Variants in HS6ST3 observed in about 807,000 individuals in gnomAD.
HS6ST3 encodes heparan-sulfate 6-O-sulfotransferase 3.
HS6ST3 carries 12 observed loss-of-function variants against 36.7 expected under a neutral mutation model. That is an observed-to-expected ratio of 0.33 (90% CI 0.21 to 0.53). The LOEUF (loss-of-function observed/expected upper bound fraction) is 0.53, where lower values mean the gene tolerates loss of function less well. Ranked by LOEUF, HS6ST3 falls within the 20% of genes least tolerant of loss-of-function variation. The probability of loss-of-function intolerance (pLI) is 0.95; values close to 1 mark genes in which losing one functional copy is unlikely to be tolerated. For missense variants in HS6ST3, 584 were observed against 640.9 expected (o/e 0.91, Z 0.96); for synonymous variants, 240 against 257.5 (o/e 0.93, Z 0.65).
At chr13:96,688,558 G>A (rs1874852189) in intron 1 of HS6ST3, among the ~76,000 whole-genome samples, 3 of 151,866 alleles carry the variant, frequency 2.0e-5, no homozygotes, top group Admixed American at 6.6e-5. Flanking sequence ...GAGAAGAGAC[G>A]CTCACTTGAT....
intron 1 of HS6ST3, among the ~76,000 whole-genome samples, chr13:96,629,983 A>C (rs1283603043): frequency 6.6e-6 from 1 of 152,036 alleles, no homozygotes; most frequent in Non-Finnish European, 1.5e-5. Context: ...AGGTTCATTA[A>C]TTCAGGTTCA....
intron 1 of HS6ST3, among the ~76,000 whole-genome samples, chr13:96,196,218 G>A (rs1231486803): frequency 6.6e-6 from 1 of 152,058 alleles, no homozygotes; most frequent in Non-Finnish European, 1.5e-5. Flanking sequence ...AGGATTCCTG[G>A]CGTCCACCTT....
intron 1 of HS6ST3, among the ~76,000 whole-genome samples, chr13:96,533,293 C>A (rs2056142888): frequency 6.6e-6 from 1 of 152,134 alleles, no homozygotes; most frequent in Non-Finnish European, 1.5e-5. Context: ...TGTTGTCAAG[C>A]CCTCCACATT....
intron 1 of HS6ST3, among the ~76,000 whole-genome samples, chr13:96,272,004 A>G (rs1236937252): frequency 2.0e-5 from 3 of 152,016 alleles, no homozygotes; most frequent in Admixed American, 1.3e-4. Flanking sequence ...TCTTACAAAT[A>G]TGAGATACTT....
chr13:96,637,275 G>T (rs996648596), intron 1 of HS6ST3, among the ~76,000 whole-genome samples: 30 of 152,220 alleles, frequency 2.0e-4, no homozygotes, highest in Admixed American at 8.5e-4. Context: ...AGCAGGAGTG[G>T]AAAAGTGTCT....
rs1878932907 is a variant in HS6ST3, at chr13:96,836,592, GT to G, written c.*3397del. ...TTTGTGATAATTAGTTTGATTAAAA[GT>G]TTGAAGTATGAGGACTCCTTGTTAT... On this transcript the variant is annotated 3_prime_UTR_variant, in exon 2 of 2. Coordinates refer to ENST00000376705, the MANE Select transcript of HS6ST3 (RefSeq NM_153456.4). The G allele has an allele frequency of 6.6e-6, 1 of 152,126 alleles. No individual in the cohort carries two copies. Among genetic ancestry groups the G allele is most frequent in the Admixed American group, 6.5e-5 (1 of 15,272 alleles). The allele number at this position is 152,126 out of a possible 1,614,324, so 9.4% of individuals were successfully genotyped here.
At chr13:96,825,116 TG>T (rs1241628092) in intron 1 of HS6ST3, among the ~76,000 whole-genome samples, 2 of 152,132 alleles carry the variant, frequency 1.3e-5, no homozygotes, top group African/African-American at 4.8e-5. Context: ...CATAAAACTG[TG>T]GAGTGTGGAG....
At chr13:96,130,026 G>A (rs1305519161) in intron 1 of HS6ST3, among the ~76,000 whole-genome samples, 1 of 152,178 alleles carries the variant, frequency 6.6e-6, no homozygotes, top group East Asian at 1.9e-4. Flanking sequence ...CATTCCTGGT[G>A]CAGAATTAGA....
At chr13:96,190,299 C>T (rs778069050) in intron 1 of HS6ST3, among the ~76,000 whole-genome samples, 7 of 152,156 alleles carry the variant, frequency 4.6e-5, no homozygotes, top group Non-Finnish European at 7.3e-5. Flanking sequence ...TCCTTCAGTC[C>T]CTTGGCTTCA....
At chr13:96,120,079 G>A (rs2053918130) in intron 1 of HS6ST3, among the ~76,000 whole-genome samples, 1 of 152,166 alleles carries the variant, frequency 6.6e-6, no homozygotes, top group Non-Finnish European at 1.5e-5. Context: ...AATATAACTG[G>A]CGTCCTTCTA....
intron 1 of HS6ST3, among the ~76,000 whole-genome samples, chr13:96,529,261 A>G (rs1205946236): frequency 6.6e-6 from 1 of 152,170 alleles, no homozygotes. Context: ...TGACAAATCT[A>G]ATTTATATAT....
Position 96,401,864 on chromosome 13 carries a change from G to T in HS6ST3, c.707+310295G>T, listed in dbSNP as rs75515093. ...GCTGGGATTACAGGTGTGAGTCACC[G>T]CACCCAGCAGGATTGTTATTTATCA... is the stretch of plus-strand genomic sequence containing the variant. On this transcript the variant is annotated intron_variant, in intron 1 of 1. Transcript: ENST00000376705. Among the ~76,000 whole-genome samples the T allele has an allele frequency of 8.1e-3, 1,240 of 152,212 alleles. 14 individuals carry two copies. The highest frequency in any genetic ancestry group is 0.028 in the African/African-American group (1,180 of 41,540).
intron 1 of HS6ST3, among the ~76,000 whole-genome samples, chr13:96,576,266 C>G (rs1276424311): frequency 1.3e-5 from 2 of 152,188 alleles, no homozygotes; most frequent in African/African-American, 4.8e-5. Flanking sequence ...CCACAGCCCC[C>G]TCACTGCTGT....
intron 1 of HS6ST3, among the ~76,000 whole-genome samples, chr13:96,813,622 C>T (rs1234132583): frequency 6.6e-6 from 1 of 152,200 alleles, no homozygotes; most frequent in Non-Finnish European, 1.5e-5. Flanking sequence ...TCACTCTATG[C>T]CCAGCGTCTA....
intron 1 of HS6ST3, among the ~76,000 whole-genome samples, chr13:96,220,745 C>T (rs1451091004): frequency 6.6e-6 from 1 of 152,086 alleles, no homozygotes; most frequent in East Asian, 1.9e-4. Context: ...TTAAGGCTGT[C>T]CCACTGGCTT....
At chr13:96,355,171 A>G (rs1196175771) in intron 1 of HS6ST3, among the ~76,000 whole-genome samples, 1 of 152,158 alleles carries the variant, frequency 6.6e-6, no homozygotes, top group Non-Finnish European at 1.5e-5. Context: ...AATCTGGGCA[A>G]AGTAAATTTA....
intron 1 of HS6ST3, among the ~76,000 whole-genome samples, chr13:96,783,067 G>C (rs1002001152): frequency 6.6e-6 from 1 of 152,150 alleles, no homozygotes; most frequent in African/African-American, 2.4e-5. Context: ...GCAAAATAGA[G>C]CACATTGTTT....
intron 1 of HS6ST3, among the ~76,000 whole-genome samples, chr13:96,371,000 A>G (rs569794914): frequency 1.3e-5 from 2 of 152,374 alleles, no homozygotes; most frequent in African/African-American, 4.8e-5. Flanking sequence ...TTTGAGCATC[A>G]TATAAATAAT....
chr13:96,704,382 C>G (rs1875366111), intron 1 of HS6ST3, among the ~76,000 whole-genome samples: 1 of 152,122 alleles, frequency 6.6e-6, no homozygotes, highest in Non-Finnish European at 1.5e-5. Context: ...GCTATTCTGC[C>G]ATAAACACCC....
Sources: allele counts gnomAD v4.1 joint callset (sites outside exome capture counted in the v4.1 genomes callset), GRCh38; gene constraint gnomAD v4.1.1; transcripts MANE v1.5; gene names NCBI Gene and HGNC (gene_info 2026-07-23, HGNC 2026-07-21).